DNAH10: variants seen among roughly 807,000 people sequenced by gnomAD.
The protein encoded by DNAH10 is axonemal beta dynein heavy chain 10.
DNAH10 carries 348 observed loss-of-function variants against 506.6 expected under a neutral mutation model. The ratio of observed to expected loss-of-function variants is 0.69; its 90% CI spans 0.63 to 0.75. The LOEUF (loss-of-function observed/expected upper bound fraction) is 0.75, where lower values mean the gene tolerates loss of function less well. Ranked by LOEUF, DNAH10 falls within the 30% of genes least tolerant of loss-of-function variation. The pLI is 0.00. For synonymous variants in DNAH10, 2,059 were observed against 2,198.6 expected (o/e 0.94, Z 1.78); for missense variants, 5,179 against 5,787.1 (o/e 0.89, Z 3.41).
chr12:123,881,600 AT>A, intron 50 of DNAH10, 24 bp from the exon 51 acceptor site: 2 of 1,479,200 alleles, frequency 1.4e-6, no homozygotes, highest in Non-Finnish European at 1.8e-6. Context: ...TGGGTTTTGA[AT>A]TCTTTTTTTT....
intron 6 of DNAH10, among the ~76,000 whole-genome samples, chr12:123,781,807 A>G (rs1028434707): frequency 6.6e-6 from 1 of 152,148 alleles, no homozygotes; most frequent in Non-Finnish European, 1.5e-5. Context: ...ATTGTTTTCT[A>G]GTAGTCAACA....
chr12:123,815,867 AATACT>A (rs555933286), intron 21 of DNAH10, among the ~76,000 whole-genome samples: 2 of 152,358 alleles, frequency 1.3e-5, no homozygotes, highest in African/African-American at 4.8e-5. Flanking sequence ...TACTGTACTG[AATACT>A]ATAAGCAATG....
chr12:123,825,730 G>A (rs1959914270), intron 24 of DNAH10, among the ~76,000 whole-genome samples: 1 of 152,160 alleles, frequency 6.6e-6, no homozygotes, highest in Admixed American at 6.5e-5. Flanking sequence ...TCTTGATTGT[G>A]GTGGTGCTTT....
intron 70 of DNAH10, 107 bp from the exon 71 acceptor site, chr12:123,929,168 G>A (rs1955084939): frequency 1.7e-6 from 2 of 1,183,180 alleles, no homozygotes; most frequent in African/African-American, 1.5e-5. Flanking sequence ...GTCTCAGACA[G>A]ATGGCTCCGT....
At chr12:123,819,315 T>A in intron 23 of DNAH10, 65 bp downstream of exon 23, 2 of 1,276,308 alleles carry the variant, frequency 1.6e-6, no homozygotes, top group Non-Finnish European at 2.2e-6. Context: ...ATGTTTTGCT[T>A]AAGAGTTTTA....
chr12:123,896,166 G>C (rs1390470839), intron 54 of DNAH10, among the ~76,000 whole-genome samples: 198 of 149,882 alleles, frequency 1.3e-3, no homozygotes, highest in African/African-American at 3.3e-3. Context: ...GAGAGAGAGA[G>C]AGAGAGAGAG....
intron 21 of DNAH10, chr12:123,814,113 A>G (rs1269160847): frequency 4.0e-6 from 2 of 500,744 alleles, no homozygotes; most frequent in Non-Finnish European, 6.8e-6. Flanking sequence ...TATGGCTCAA[A>G]TGGATTGATC....
rs1956879398 is a variant in DNAH10 at position 123,762,844 on chromosome 12, T to C, written c.214+294T>C. 6.6e-6 allele frequency among the ~76,000 whole-genome samples: 1 copy of C among 152,200 alleles called. No homozygotes were observed. The highest frequency in any genetic ancestry group is 2.1e-4 in the South Asian group (1 of 4,834). ...GTGCGGTTCCAACGCTTGTATCAAC[T>C]CCTTAACCCTACGAGGCGGGTGTAT... On this transcript the variant is annotated intron_variant, in intron 1 of 78. Transcript: ENST00000673944. The surrounding 1 kb of genome is among the most constrained non-coding windows in gnomAD (Gnocchi z 5.0).
intron 55 of DNAH10, 86 bp downstream of exon 55, chr12:123,898,053 G>T: frequency 1.5e-6 from 2 of 1,303,902 alleles, no homozygotes; most frequent in South Asian, 1.7e-5. Flanking sequence ...TTAGTAAGAT[G>T]GGGCATCTTC....
In DNAH10 at chr12:123,924,267, G is replaced by T; in HGVS notation, c.11612-11G>T. On this transcript the variant is annotated splice_polypyrimidine_tract_variant and intron_variant, in intron 66 of 78. Coordinates refer to ENST00000673944, the MANE Select transcript of DNAH10 (RefSeq NM_001372106.1). ...TACAATGGCTGCTTGCTTCTCTTCT[G>T]TTGTGATTAGGAAACATTTCCCTGG... The T allele has an allele frequency of 6.2e-7, 1 of 1,603,508 alleles. No homozygotes were observed.
In DNAH10 at chr12:123,928,521, C is replaced by G. The variant is rs754216930; in HGVS notation, c.12240C>G (p.Phe4080Leu). The G allele has an allele frequency of 6.2e-7, 1 of 1,611,390 alleles. No individual in the cohort carries two copies. The highest frequency in any genetic ancestry group is 1.1e-5 in the South Asian group (1 of 90,404). ...GGATCACCAAGCCCCACCCAGACTT[C>G]CGCCTGTGGCTCACCACGGACCCCA... The part of the protein sequence containing the change: ...LERITKPHPD[F>L]RLWLTTDPTK... Residue 4080 changes from phenylalanine (F) to leucine (L), a missense_variant, in exon 70 of 79, where the codon TTC becomes TTG. By Grantham distance (22) the Phe-to-Leu change is conservative. Coordinates refer to ENST00000673944, the MANE Select transcript of DNAH10 (RefSeq NM_001372106.1). This position sits in a 1 kb window ranked among gnomAD's most constrained non-coding sequence, Gnocchi z 4.9.
intron 19 of DNAH10, among the ~76,000 whole-genome samples, chr12:123,811,640 A>G (rs900952451): frequency 4.6e-5 from 7 of 152,052 alleles, no homozygotes; most frequent in African/African-American, 7.2e-5. Context: ...AGCTGGGACT[A>G]TAGGAGCCCA....
rs1295915687 is a variant in DNAH10 at position 123,850,220 on chromosome 12, CAA to C, written c.6103-661_6103-660del. Reference sequence around the variant, plus strand: ...GTCCTCTGCCTGGCTGGTGGACAATCAAAAAAAATAAAATAGAAAACTTCACC... The same window carrying C: ...GTCCTCTGCCTGGCTGGTGGACAATCAAAAAATAAAATAGAAAACTTCACC... On this transcript the variant is annotated intron_variant, in intron 34 of 78. Coordinates refer to ENST00000673944, the MANE Select transcript of DNAH10 (RefSeq NM_001372106.1). The surrounding 1 kb of genome is among the most constrained non-coding windows in gnomAD (Gnocchi z 5.5). 6.6e-6 allele frequency among the ~76,000 whole-genome samples: 1 copy of C among 151,394 alleles called. No individual in the cohort carries two copies. Among genetic ancestry groups the C allele is most frequent in the African/African-American group, 2.4e-5 (1 of 41,162 alleles).
rs11835416 is a variant in DNAH10, at chr12:123,873,574, A to G, written c.7802A>G (p.Asn2601Ser). 8.5e-3 allele frequency: 13,635 copies of G among 1,612,236 alleles called. 529 individuals carry two copies. The African/African-American group carries it at 0.11, about 13-fold the overall frequency. The change falls in exon 46 of 79, where the codon AAC becomes AGC. Residue 2601 changes from asparagine (N) to serine (S), a missense_variant. Coordinates refer to ENST00000673944, the MANE Select transcript of DNAH10 (RefSeq NM_001372106.1). Reference sequence around the variant, plus strand: ...CTGCTTCAGATTGTGTTAATGGTCAACTTCTCCTCCCGCACCACGTCCATG... The same window carrying G: ...CTGCTTCAGATTGTGTTAATGGTCAGCTTCTCCTCCCGCACCACGTCCATG... ...SEETNIVLMV[N>S]FSSRTTSMDI...
intron 57 of DNAH10, among the ~76,000 whole-genome samples, chr12:123,906,621 T>G (rs866698174): frequency 1.3e-5 from 2 of 152,206 alleles, no homozygotes; most frequent in Non-Finnish European, 2.9e-5. Context: ...TTCCCCATGA[T>G]TTCTTTTGGT....
intron 35 of DNAH10, among the ~76,000 whole-genome samples, chr12:123,852,142 A>C (rs1259097036): frequency 6.6e-6 from 1 of 152,180 alleles, no homozygotes; most frequent in Non-Finnish European, 1.5e-5. Context: ...TTCTTCAGTC[A>C]GTGTAATTTT....
In DNAH10 at chr12:123,801,246, T is replaced by A. The variant is rs933673749; in HGVS notation, c.2463-35T>A. 1.9e-6 allele frequency: 3 copies of A among 1,597,274 alleles called. No individual in the cohort carries two copies. The African/African-American group carries it at 4.0e-5, about 21-fold the overall frequency. ...AAGCTTTTGATGAGCTTAAAGGTGC[T>A]CTCCTCAGGTTTATGACATTCCTGT... On this transcript the variant is annotated intron_variant, in intron 15 of 78. Coordinates refer to ENST00000673944, the MANE Select transcript of DNAH10 (RefSeq NM_001372106.1).
intron 14 of DNAH10, among the ~76,000 whole-genome samples, 185 bp from the exon 15 acceptor site, chr12:123,800,031 G>T (rs1302540964): frequency 3.9e-5 from 6 of 152,170 alleles, no homozygotes; most frequent in African/African-American, 1.4e-4. Flanking sequence ...GCCGGCAACT[G>T]AATTGATTCT....
chr12:123,825,273 C>T (rs1343825889), intron 24 of DNAH10, among the ~76,000 whole-genome samples: 2 of 152,098 alleles, frequency 1.3e-5, no homozygotes, highest in African/African-American at 2.4e-5. Flanking sequence ...CTAAATGGAG[C>T]GAGTCCAAGG....
Sources: gnomAD v4.1 joint callset for allele counts (sites outside exome capture counted in the v4.1 genomes callset) on GRCh38, gnomAD v4.1.1 for gene constraint, Gnocchi (gnomAD v3.1) non-coding constraint, MANE v1.5 for transcripts, NCBI Gene and HGNC (gene_info 2026-07-23, HGNC 2026-07-21) for gene names.